CRTC1: variants seen among roughly 807,000 people sequenced by gnomAD.
The protein encoded by CRTC1 is CREB regulated transcription coactivator 1.
CRTC1 carries 18 observed loss-of-function variants against 66.1 expected under a neutral mutation model. The observed-to-expected ratio is 0.27, with a 90% CI of 0.19 to 0.40. The LOEUF (loss-of-function observed/expected upper bound fraction) is 0.40. CRTC1 is among the 10% of genes least tolerant of loss of function. CRTC1 has a pLI of 1.00. For missense variants in CRTC1, 669 were observed against 887.9 expected, an observed-to-expected ratio of 0.75 and a Z score of 3.13; for synonymous variants, 416 against 398.8, an observed-to-expected ratio of 1.04 and a Z score of -0.51.
At chr19:18,759,122 G>A (rs914791526) in intron 6 of CRTC1, among the ~76,000 whole-genome samples, 3 of 152,190 alleles carry the variant, frequency 2.0e-5, no homozygotes, top group Non-Finnish European at 4.4e-5. Context: ...GGAAGATCAT[G>A]AGCTCAGGAG....
chr19:18,684,220 G>A (rs756753717), intron 1 of CRTC1, among the ~76,000 whole-genome samples: 39 of 151,914 alleles, frequency 2.6e-4, no homozygotes, highest in Admixed American at 1.3e-4. Flanking sequence ...GAAGGGACAG[G>A]TGCCCCCGCA....
rs185053204 is a variant in CRTC1, at chr19:18,714,029, C to T, written c.127-28881C>T. The stretch of plus-strand genomic sequence containing the variant: ...ACGCTCACCTCTCCTGGCACCCTAG[C>T]GTGCCCGGAAGCAGCAGGGTGGGAG... On this transcript the variant is annotated intron_variant, in intron 1 of 13. Coordinates refer to ENST00000321949, the MANE Select transcript of CRTC1 (RefSeq NM_015321.3). Among the ~76,000 whole-genome samples, 4 of 152,288 alleles carry T rather than the reference C, an allele frequency of 2.6e-5. 1 individual carries two copies. Among genetic ancestry groups the T allele is most frequent in the Admixed American group, 2.0e-4 (3 of 15,304 alleles).
intron 5 of CRTC1, among the ~76,000 whole-genome samples, chr19:18,752,002 A>G (rs1307895046): frequency 6.6e-6 from 1 of 152,070 alleles, no homozygotes; most frequent in Non-Finnish European, 1.5e-5. Context: ...CATCTCTACT[A>G]AAAATATAAA....
chr19:18,758,384 A>G (rs1030653760), intron 6 of CRTC1, among the ~76,000 whole-genome samples: 11 of 151,982 alleles, frequency 7.2e-5, no homozygotes, highest in Non-Finnish European at 1.5e-4. Flanking sequence ...AAGAAAGAAA[A>G]AAAAGGCAGA....
At chr19:18,734,147 C>A (rs948469218) in intron 1 of CRTC1, among the ~76,000 whole-genome samples, 1 of 150,510 alleles carries the variant, frequency 6.6e-6, no homozygotes, top group Non-Finnish European at 1.5e-5. Context: ...AGACAGGAAA[C>A]GGATTAGTGG....
chr19:18,721,198 T>G (rs981025254), intron 1 of CRTC1, among the ~76,000 whole-genome samples: 7 of 151,288 alleles, frequency 4.6e-5, no homozygotes, highest in Non-Finnish European at 1.0e-4. Context: ...AACCTCTGTT[T>G]TTTTTTTTTT....
At chr19:18,703,557 G>C (rs1055362327) in intron 1 of CRTC1, among the ~76,000 whole-genome samples, 7 of 152,080 alleles carry the variant, frequency 4.6e-5, no homozygotes, top group African/African-American at 1.7e-4. Context: ...CCACCTCCCA[G>C]GTTCAAGCGA....
Position 18,771,379 on chromosome 19 carries a change from C to G in CRTC1, c.1321-63C>G. On this transcript the variant is annotated intron_variant, in intron 10 of 13. Transcript: ENST00000321949. The surrounding 1 kb of genome is among the most constrained non-coding windows in gnomAD (Gnocchi z 4.6). ...GGCTGATCAGGCTGCTCCCGGGAAG[C>G]AGGGACTGGAGCCCGGGCTTGGGCA... is the stretch of plus-strand genomic sequence containing the variant. 7.0e-7 allele frequency: 1 copy of G among 1,427,634 alleles called. No individual in the cohort carries two copies. Among genetic ancestry groups the G allele is most frequent in the Non-Finnish European group, 9.6e-7 (1 of 1,044,392 alleles). 88.4% of individuals were successfully genotyped at this position (1,427,634 alleles called of 1,614,324 possible).
intron 1 of CRTC1, among the ~76,000 whole-genome samples, chr19:18,694,315 A>AG (rs958802152): frequency 8.0e-6 from 1 of 124,388 alleles, no homozygotes; most frequent in African/African-American, 2.7e-5. Flanking sequence ...AAAAAAAAAA[A>AG]AAGAAGAAGA....
intron 1 of CRTC1, among the ~76,000 whole-genome samples, chr19:18,735,997 CGTG>C (rs1442299497): frequency 6.6e-6 from 1 of 152,100 alleles, no homozygotes. Flanking sequence ...GGGACACTGC[CGTG>C]GTGGGGCGGG....
intron 1 of CRTC1, among the ~76,000 whole-genome samples, chr19:18,730,306 G>A (rs1414510741): frequency 6.6e-6 from 1 of 152,082 alleles, no homozygotes; most frequent in Non-Finnish European, 1.5e-5. Context: ...ATCTGCTGGG[G>A]CATGTCCCAG....
rs1421540173 is a variant in CRTC1 at position 18,741,256 on chromosome 19, T to G, written c.127-1654T>G. 1.3e-5 allele frequency among the ~76,000 whole-genome samples: 2 copies of G among 152,182 alleles called. No individual in the cohort carries two copies. Among genetic ancestry groups the G allele is most frequent in the Non-Finnish European group, 2.9e-5 (2 of 68,018 alleles). On this transcript the variant is annotated intron_variant, in intron 1 of 13. Coordinates refer to ENST00000321949, the MANE Select transcript of CRTC1 (RefSeq NM_015321.3). This position sits in a 1 kb window ranked among gnomAD's most constrained non-coding sequence, Gnocchi z 4.2. Reference sequence around the variant, plus strand: ...CCCGGGGACATAGTGTAAACAAAGCTGCTTCAGGGAGTTCTTGCCCCTGAT... The same window carrying G: ...CCCGGGGACATAGTGTAAACAAAGCGGCTTCAGGGAGTTCTTGCCCCTGAT...
intron 1 of CRTC1, among the ~76,000 whole-genome samples, chr19:18,700,092 C>T (rs993394709): frequency 1.3e-5 from 2 of 152,184 alleles, no homozygotes; most frequent in Non-Finnish European, 2.9e-5. Flanking sequence ...TCTCAGGGAG[C>T]CCCACACTGG....
intron 1 of CRTC1, among the ~76,000 whole-genome samples, chr19:18,700,762 G>T (rs1222743825): frequency 1.3e-5 from 2 of 152,126 alleles, no homozygotes; most frequent in African/African-American, 4.8e-5. Context: ...CGGGGAGGCC[G>T]AGCGTGTCCG....
intron 1 of CRTC1, among the ~76,000 whole-genome samples, chr19:18,718,812 G>C (rs1228596093): frequency 6.6e-6 from 1 of 152,184 alleles, no homozygotes; most frequent in Non-Finnish European, 1.5e-5. Context: ...CCGTCCAGGA[G>C]TGGGATTGCT....
chr19:18,684,946 G>C (rs2052653385), intron 1 of CRTC1, among the ~76,000 whole-genome samples: 1 of 152,156 alleles, frequency 6.6e-6, no homozygotes, highest in Non-Finnish European at 1.5e-5. Flanking sequence ...ACTCTGCAAA[G>C]GTGATGCTGA....
At position 18,771,282 on chromosome 19, in the gene CRTC1, T is replaced by C. The variant is rs2054861849; in HGVS notation, c.1321-160T>C. 6.6e-6 allele frequency among the ~76,000 whole-genome samples: 1 copy of C among 152,068 alleles called. No individual in the cohort carries two copies. The highest frequency in any genetic ancestry group is 6.5e-5 in the Admixed American group (1 of 15,270). Reference sequence around the variant, plus strand: ...CAGGTACCCACCTTTCCTGCAGGTGTCCAGGCTCCTCTGCCTACCAGTGGG... The same window carrying C: ...CAGGTACCCACCTTTCCTGCAGGTGCCCAGGCTCCTCTGCCTACCAGTGGG... On this transcript the variant is annotated intron_variant, in intron 10 of 13. Coordinates refer to ENST00000321949, the MANE Select transcript of CRTC1 (RefSeq NM_015321.3). The surrounding 1 kb of genome is among the most constrained non-coding windows in gnomAD (Gnocchi z 4.6).
At chr19:18,698,001 G>A (rs539768790) in intron 1 of CRTC1, among the ~76,000 whole-genome samples, 2 of 151,880 alleles carry the variant, frequency 1.3e-5, no homozygotes, top group South Asian at 2.1e-4. Flanking sequence ...CTCAGCTGGT[G>A]CTCAGCAGGC....
chr19:18,762,703 C>G (rs2054642473), intron 8 of CRTC1, among the ~76,000 whole-genome samples: 1 of 152,266 alleles, frequency 6.6e-6, no homozygotes, highest in African/African-American at 2.4e-5. Flanking sequence ...GACTTCCCCT[C>G]CAGCTGGCTC....
Sources: gnomAD v4.1 joint callset for allele counts (sites outside exome capture counted in the v4.1 genomes callset) on GRCh38, gnomAD v4.1.1 for gene constraint, Gnocchi (gnomAD v3.1) non-coding constraint, MANE v1.5 for transcripts, NCBI Gene and HGNC (gene_info 2026-07-23, HGNC 2026-07-21) for gene names.